The following F13B variants were observed in gnomAD, a reference collection of about 807,000 sequenced individuals.
F13B encodes the protein TGase.
F13B carries 58 observed loss-of-function variants against 79.8 expected under a neutral mutation model. The ratio of observed to expected loss-of-function variants is 0.73; its 90% CI spans 0.59 to 0.90. The LOEUF (loss-of-function observed/expected upper bound fraction) is 0.90. F13B is among the 40% of genes least tolerant of loss of function. The pLI is 0.00. For missense variants in F13B, 773 were observed against 777.0 expected (o/e 0.99, Z 0.06); for synonymous variants, 283 against 260.3 (o/e 1.09, Z -0.84).
At chr1:197,041,192 C>T (rs1655024778) in intron 10 of F13B, among the ~76,000 whole-genome samples, 1 of 152,040 alleles carries the variant, frequency 6.6e-6, no homozygotes, top group Non-Finnish European at 1.5e-5. Context: ...AATGTAGATT[C>T]TCAACACTGA....
chr1:197,060,282 G>T, intron 5 of F13B, 84 bp downstream of exon 5: 1 of 989,458 alleles, frequency 1.0e-6, no homozygotes, highest in South Asian at 1.6e-5. Context: ...AAATAGATAT[G>T]ACCACAGGAA....
chr1:197,057,504 T>C (rs751479353), intron 5 of F13B, 39 bp from the exon 6 acceptor site: 2 of 1,576,570 alleles, frequency 1.3e-6, no homozygotes, highest in African/African-American at 1.4e-5. Context: ...AGTCATATAA[T>C]TACAAAAAAT....
At chr1:197,043,871 A>T (rs771135326) in intron 10 of F13B, among the ~76,000 whole-genome samples, 83 of 152,056 alleles carry the variant, frequency 5.5e-4, no homozygotes, top group Non-Finnish European at 9.4e-4. Context: ...ATTTTAAAAG[A>T]TATTAGCCAA....
At chr1:197,067,136 A>T in intron 1 of F13B, 24 bp downstream of exon 1, 2 of 1,383,478 alleles carry the variant, frequency 1.4e-6, no homozygotes, top group South Asian at 2.4e-5. Context: ...TTAGAGAATA[A>T]AGAATATTAA....
chr1:197,057,300 G>C lies in F13B; in HGVS notation c.971C>G (p.Pro324Arg), dbSNP rs1486003680. The change falls in exon 6 of 12, where the codon CCT (proline) becomes CGT (arginine). Residue 324 changes from proline to arginine, a missense_variant. Pro to Arg is a moderately radical substitution (Grantham distance 103). Transcript: ENST00000367412. ...IRCEDGKWTE[P>R]PKCIEGQEKV... ...GTGTTACTAACCAATGCATTTTGGA[G>C]GTTCTGTCCATTTTCCATCTTCACA... 1 of 1,613,898 alleles carries C rather than the reference G, an allele frequency of 6.2e-7. No homozygotes were observed. The highest frequency in any genetic ancestry group is 1.7e-4 in the Middle Eastern group (1 of 6,058).
intron 2 of F13B, 51 bp from the exon 3 acceptor site, chr1:197,062,020 T>C: frequency 6.8e-7 from 1 of 1,478,064 alleles, no homozygotes; most frequent in Non-Finnish European, 9.3e-7. Context: ...GCTTGTCTTT[T>C]ACTAAATTGT....
At position 197,065,014 on chromosome 1, in the gene F13B, A is replaced by C. The variant is rs564735316; in HGVS notation, c.65-1957T>G. On this transcript the variant is annotated intron_variant, in intron 1 of 11. Coordinates refer to ENST00000367412, the MANE Select transcript of F13B (RefSeq NM_001994.3). ...TGGAATGATGAGCAACAAAACTTCC[A>C]CTATCTGATGGAGCAGACAGAAAAA... Among the ~76,000 whole-genome samples the C allele has an allele frequency of 7.9e-5, 12 of 152,266 alleles. 1 individual carries two copies. The East Asian group carries it at 2.3e-3, about 29-fold the overall frequency.
chr1:197,043,612 A>G (rs1169509962), intron 10 of F13B, among the ~76,000 whole-genome samples: 1 of 152,232 alleles, frequency 6.6e-6, no homozygotes, highest in Non-Finnish European at 1.5e-5. Flanking sequence ...AAATGCAAAG[A>G]TGATAACTGA....
intron 10 of F13B, among the ~76,000 whole-genome samples, chr1:197,043,747 T>C (rs926854171): frequency 6.6e-6 from 1 of 151,936 alleles, no homozygotes; most frequent in Non-Finnish European, 1.5e-5. Flanking sequence ...ACCAAAAAAT[T>C]ACTACAGTGA....
At chr1:197,051,357 A>T (rs2125063139) in intron 9 of F13B, among the ~76,000 whole-genome samples, 1 of 152,280 alleles carries the variant, frequency 6.6e-6, no homozygotes, top group African/African-American at 2.4e-5. Context: ...AGTATTAACA[A>T]TCATGATTTT....
chr1:197,057,696 A>T (rs1655699431), intron 5 of F13B, among the ~76,000 whole-genome samples: 1 of 152,134 alleles, frequency 6.6e-6, no homozygotes, highest in Non-Finnish European at 1.5e-5. Flanking sequence ...GTGATGGATT[A>T]GTACGTGATT....
chr1:197,062,164 C>A (rs1462180521), intron 2 of F13B, among the ~76,000 whole-genome samples, 195 bp from the exon 3 acceptor site: 1 of 151,962 alleles, frequency 6.6e-6, no homozygotes. Context: ...ATAGTAATTT[C>A]TACCCCTACC....
Position 197,060,785 on chromosome 1 carries a change from A to G in F13B, c.628+114T>C, listed in dbSNP as rs1476945648. On this transcript the variant is annotated intron_variant, in intron 4 of 11. Coordinates refer to ENST00000367412, the MANE Select transcript of F13B (RefSeq NM_001994.3). ...ACTGCTATCAACATAATTAAAAATAAAGGCAAAAATGCATGAAAAGGTGAA... is the reference window on the plus strand; with the variant it reads ...ACTGCTATCAACATAATTAAAAATAGAGGCAAAAATGCATGAAAAGGTGAA... 4 of 1,021,688 alleles carry G rather than the reference A, an allele frequency of 3.9e-6. No homozygotes were observed. In the East Asian group the frequency reaches 9.6e-5, roughly 24 times the overall value. The allele number at this position is 1,021,688 out of a possible 1,614,324, so 63.3% of individuals were successfully genotyped here. A position where few individuals can be genotyped will look rare whatever the true frequency, so the allele number is the denominator to read the frequency against.
chr1:197,060,215 G>A lies in F13B; in HGVS notation c.805+151C>T, dbSNP rs1332661. Reference sequence around the variant, plus strand: ...CAGGTGGGATATATTAAAGATTGCTGAAAATAGCACTGATTTAAAAGATAA... The same window carrying A: ...CAGGTGGGATATATTAAAGATTGCTAAAAATAGCACTGATTTAAAAGATAA... On this transcript the variant is annotated intron_variant, in intron 5 of 11. Transcript: ENST00000367412. The A allele has an allele frequency of 0.49, 252,644 of 511,388 alleles. 67,357 individuals are homozygous for A. Among genetic ancestry groups the A allele is most frequent in the East Asian group, 0.83 (27,002 of 32,558 alleles). The allele number at this position is 511,388 out of a possible 1,614,324, so 31.7% of individuals were successfully genotyped here.
Position 197,062,898 on chromosome 1 carries a change from G to T in F13B, c.224C>A (p.Thr75Lys), listed in dbSNP as rs915458369. 6.2e-7 allele frequency: 1 copy of T among 1,613,838 alleles called. No individual in the cohort carries two copies. ...TESGRQEEQTTCTTEGWSPEP... is the reference protein window; with the variant it reads ...TESGRQEEQTKCTTEGWSPEP... ...TGGAGACCAGCCTTCTGTTGTACACGTGGTTTGCTCTTCTTGTCTTCCACT... is the reference window on the plus strand; with the variant it reads ...TGGAGACCAGCCTTCTGTTGTACACTTGGTTTGCTCTTCTTGTCTTCCACT... The change falls in exon 2 of 12, where the codon ACG becomes AAG. Residue 75 changes from threonine to lysine, a missense_variant. Coordinates refer to ENST00000367412, the MANE Select transcript of F13B (RefSeq NM_001994.3).
At position 197,052,848 on chromosome 1, in the gene F13B, T is replaced by C; in HGVS notation, c.1355-14A>G. The C allele has an allele frequency of 6.3e-7, 1 of 1,595,446 alleles. No homozygotes were observed. Among genetic ancestry groups the C allele is most frequent in the Non-Finnish European group, 8.6e-7 (1 of 1,166,296 alleles). ...CAGTACATGGTTCTGTAAAACAAAA[T>C]GCTCTTTTAAATTCTTTACTTGTCT... On this transcript the variant is annotated splice_polypyrimidine_tract_variant and intron_variant, in intron 8 of 11. Transcript: ENST00000367412.
chr1:197,063,147 TAG>T, intron 1 of F13B, 90 bp from the exon 2 acceptor site: 1 of 1,107,972 alleles, frequency 9.0e-7, no homozygotes, highest in Non-Finnish European at 1.4e-6. Context: ...TAAAAGTTTT[TAG>T]AGACACTTCA....
rs1245194225 is a variant in F13B at position 197,060,983 on chromosome 1, T to C, written c.544A>G (p.Thr182Ala). 2.5e-6 allele frequency: 4 copies of C among 1,612,020 alleles called. No homozygotes were observed. The highest frequency in any genetic ancestry group is 3.4e-6 in the Non-Finnish European group (4 of 1,178,282). Residue 182 changes from threonine (T) to alanine (A), a missense_variant, in exon 4 of 12, where the codon ACT becomes GCT. Thr to Ala is a moderately conservative substitution (Grantham distance 58). Coordinates refer to ENST00000367412, the MANE Select transcript of F13B (RefSeq NM_001994.3). ...TTTCCTCCAGCTGTGTAGTAGCCAGTAGCACATTCGTATTGTACTTTGTCC... is the reference window on the plus strand; with the variant it reads ...TTTCCTCCAGCTGTGTAGTAGCCAGCAGCACATTCGTATTGTACTTTGTCC... Reference protein sequence around the residue: ...VKDKVQYECATGYYTAGGKKT... With the variant: ...VKDKVQYECAAGYYTAGGKKT...
At position 197,039,088 on chromosome 1, in the gene F13B, TATA is replaced by T. The variant is rs1654943692; in HGVS notation, c.*287_*289del. 1 of 333,668 alleles carries T rather than the reference TATA, an allele frequency of 3.0e-6. No individual in the cohort carries two copies. The highest frequency in any genetic ancestry group is 5.6e-6 in the Non-Finnish European group (1 of 179,778). The allele number at this position is 333,668 out of a possible 1,614,324, so 20.7% of individuals were successfully genotyped here. The stretch of plus-strand genomic sequence containing the variant: ...ACATACAGTATATTGAAAACAACTA[TATA>T]GTCTAGTCAATGGGCATTAGGAAAT... On this transcript the variant is annotated 3_prime_UTR_variant, in exon 12 of 12. Coordinates refer to ENST00000367412, the MANE Select transcript of F13B (RefSeq NM_001994.3).
Sources: allele counts gnomAD v4.1 joint callset (sites outside exome capture counted in the v4.1 genomes callset), GRCh38; gene constraint gnomAD v4.1.1; transcripts MANE v1.5; gene names NCBI Gene and HGNC (gene_info 2026-07-23, HGNC 2026-07-21).